The following SLC47A1 variants were observed in gnomAD, a reference collection of about 807,000 sequenced individuals.
The protein encoded by SLC47A1 is solute carrier family 47 member 1.
In SLC47A1, 58 loss-of-function variants were observed where a neutral mutation model predicts 65.8. That is an observed-to-expected ratio of 0.88 (90% confidence interval 0.71 to 1.10). The LOEUF (loss-of-function observed/expected upper bound fraction) is 1.10, where lower values mean the gene tolerates loss of function less well. SLC47A1 is among the 50% of genes least tolerant of loss of function. The pLI, the probability that SLC47A1 is intolerant of heterozygous loss-of-function variation, is 0.00. For missense variants in SLC47A1, 706 were observed against 719.2 expected (o/e 0.98, Z 0.21); for synonymous variants, 285 against 295.0 (o/e 0.97, Z 0.35).
intron 12 of SLC47A1, among the ~76,000 whole-genome samples, chr17:19,566,017 C>T (rs2084355062): frequency 6.6e-6 from 1 of 152,208 alleles, no homozygotes; most frequent in Non-Finnish European, 1.5e-5. Flanking sequence ...CATCTCCACG[C>T]TGTGTGTGCT....
intron 2 of SLC47A1, among the ~76,000 whole-genome samples, chr17:19,545,555 A>G (rs1916265973): frequency 6.6e-6 from 1 of 151,868 alleles, no homozygotes; most frequent in Non-Finnish European, 1.5e-5. Flanking sequence ...CAGTGGTGCA[A>G]TCTCAGTTCA....
At chr17:19,548,193 C>G (rs1916345747) in intron 4 of SLC47A1, 60 bp downstream of exon 4, 4 of 1,568,244 alleles carry the variant, frequency 2.6e-6, no homozygotes, top group Non-Finnish European at 3.5e-6. Context: ...ATTATCCTGT[C>G]TGGGTGCAGC....
intron 16 of SLC47A1, among the ~76,000 whole-genome samples, chr17:19,574,739 C>T (rs2084425510): frequency 6.6e-6 from 1 of 151,568 alleles, no homozygotes; most frequent in South Asian, 2.1e-4. Context: ...GATTCTCCTG[C>T]CTCAGCCTCC....
intron 1 of SLC47A1, among the ~76,000 whole-genome samples, chr17:19,541,009 G>A (rs535432720): frequency 6.6e-6 from 1 of 152,298 alleles, no homozygotes; most frequent in South Asian, 2.1e-4. Flanking sequence ...ATGGCTCGGG[G>A]GCCTGATGAG....
intron 12 of SLC47A1, among the ~76,000 whole-genome samples, chr17:19,565,120 A>G (rs1162013997): frequency 6.6e-6 from 1 of 152,138 alleles, no homozygotes; most frequent in Non-Finnish European, 1.5e-5. Flanking sequence ...GGGTGTTGTG[A>G]ATTTCCTGCT....
Position 19,533,947 on chromosome 17 carries a change from C to T in SLC47A1, c.8C>T (p.Ala3Val), listed in dbSNP as rs1418027645. 5 of 1,526,488 alleles carry T rather than the reference C, an allele frequency of 3.3e-6. No homozygotes were observed. The highest frequency in any genetic ancestry group is 2.0e-5 in the Admixed American group (1 of 49,178). 94.6% of individuals were successfully genotyped at this position (1,526,488 alleles called of 1,614,324 possible). The change falls in exon 1 of 17, where the codon GCT becomes GTT. Residue 3 changes from alanine (A) to valine (V), a missense_variant. By Grantham distance (64) the Ala-to-Val change is moderately conservative. Transcript: ENST00000270570. ME[A>V]PEEPAPVRGG... ...CCGCAGCGCGCGAGTCACATGGAAG[C>T]TCCTGAGGAGCCCGCGCCAGTGCGC...
chr17:19,567,342 C>T (rs545149204), intron 14 of SLC47A1, 114 bp downstream of exon 14: 41 of 1,454,696 alleles, frequency 2.8e-5, no homozygotes, highest in Middle Eastern at 4.9e-4. Flanking sequence ...AGCTCGCCCA[C>T]GTCCATTCTG....
chr17:19,542,377 T>C lies in SLC47A1; in HGVS notation c.136-16T>C, dbSNP rs1283231240. ...GGTGGTCACTCACGTCCCTTCCCGTTCCCCTCTCTTCCCAGTTCTTGGTTC... is the reference window on the plus strand; with the variant it reads ...GGTGGTCACTCACGTCCCTTCCCGTCCCCCTCTCTTCCCAGTTCTTGGTTC... On this transcript the variant is annotated splice_polypyrimidine_tract_variant and intron_variant, in intron 1 of 16. Transcript: ENST00000270570. 2 of 1,587,078 alleles carry C rather than the reference T, an allele frequency of 1.3e-6. No individual in the cohort carries two copies. Among genetic ancestry groups the C allele is most frequent in the Non-Finnish European group, 1.7e-6 (2 of 1,165,590 alleles).
intron 16 of SLC47A1, among the ~76,000 whole-genome samples, chr17:19,576,878 G>A (rs1214784335): frequency 2.0e-5 from 3 of 152,106 alleles, no homozygotes; most frequent in African/African-American, 7.2e-5. Context: ...CTCCTGAGTA[G>A]CTGGGATTAC....
intron 14 of SLC47A1, chr17:19,570,726 G>A (rs1290749975): frequency 1.3e-5 from 2 of 152,336 alleles, no homozygotes; most frequent in Non-Finnish European, 2.9e-5. Flanking sequence ...CTTGGGCAGG[G>A]TGCTGCAGGT....
At chr17:19,566,730 G>T (rs1056479099) in intron 12 of SLC47A1, 60 bp from the exon 13 acceptor site, 92 of 1,537,042 alleles carry the variant, frequency 6.0e-5, no homozygotes, top group Middle Eastern at 1.7e-4. Context: ...TAGCCAGAAA[G>T]CTATATACTT....
chr17:19,534,190 G>A, intron 1 of SLC47A1, 116 bp downstream of exon 1: 1 of 1,311,492 alleles, frequency 7.6e-7, no homozygotes, highest in Non-Finnish European at 9.9e-7. Flanking sequence ...TCCGCCGGCG[G>A]GCTCCGGGGA....
chr17:19,549,763 T>C, intron 5 of SLC47A1, 86 bp downstream of exon 5: 1 of 1,415,334 alleles, frequency 7.1e-7, no homozygotes, highest in South Asian at 1.2e-5. Flanking sequence ...GTGTATTGGC[T>C]CAGTCTTAGA....
intron 16 of SLC47A1, among the ~76,000 whole-genome samples, chr17:19,573,863 C>T (rs1038503779): frequency 6.6e-6 from 1 of 151,360 alleles, no homozygotes. Flanking sequence ...AGCACCCAGC[C>T]AAACTGAAGG....
intron 2 of SLC47A1, among the ~76,000 whole-genome samples, chr17:19,545,669 T>C (rs1450270478): frequency 6.6e-6 from 1 of 151,984 alleles, no homozygotes; most frequent in African/African-American, 2.4e-5. Flanking sequence ...TTTTGTACTT[T>C]TGTAGGGACG....
At chr17:19,538,026 G>A (rs190622441) in intron 1 of SLC47A1, among the ~76,000 whole-genome samples, 43 of 152,294 alleles carry the variant, frequency 2.8e-4, no homozygotes, top group African/African-American at 8.7e-4. Context: ...TATTTATTGC[G>A]TTTTGAACAT....
chr17:19,533,957 G>T lies in SLC47A1; in HGVS notation c.18G>T (p.Glu6Asp). The T allele has an allele frequency of 6.5e-7, 1 of 1,532,536 alleles. No individual in the cohort carries two copies. The highest frequency in any genetic ancestry group is 1.2e-5 in the South Asian group (1 of 82,402). 94.9% of individuals were successfully genotyped at this position (1,532,536 alleles called of 1,614,324 possible). Residue 6 changes from glutamate to aspartate, a missense_variant, in exon 1 of 17, where the codon GAG (glutamate) becomes GAT (aspartate). By Grantham distance (45) the Glu-to-Asp change is conservative. Coordinates refer to ENST00000270570, the MANE Select transcript of SLC47A1 (RefSeq NM_018242.3). MEAPEEPAPVRGGPEA... is the reference protein window; with the variant it reads MEAPEDPAPVRGGPEA... ...CGAGTCACATGGAAGCTCCTGAGGA[G>T]CCCGCGCCAGTGCGCGGAGGCCCGG...
chr17:19,565,682 G>A (rs1338261157), intron 12 of SLC47A1, among the ~76,000 whole-genome samples: 2 of 145,538 alleles, frequency 1.4e-5, no homozygotes, highest in African/African-American at 2.6e-5. Flanking sequence ...CCAGGTTCAC[G>A]CCATTCTCCT....
Position 19,555,292 on chromosome 17 carries a change from A to G in SLC47A1, c.624A>G (p.Gln208=), listed in dbSNP as rs773054352. ...NALANYLFLH[Q]LHLGVIGSAL... is the part of the protein sequence containing the mutation. ...TCGCCAACTATCTGTTTCTCCATCA[A>G]CTGCATCTTGGGGTGATGTGAGTCC... The change falls in exon 7 of 17, where the codon CAA becomes CAG. Residue 208 remains glutamine (Q), a synonymous_variant. Coordinates refer to ENST00000270570, the MANE Select transcript of SLC47A1 (RefSeq NM_018242.3). 6.2e-6 allele frequency: 10 copies of G among 1,614,070 alleles called. No individual in the cohort carries two copies. The Admixed American group carries it at 8.3e-5, about 13-fold the overall frequency.
Sources: gnomAD v4.1 joint callset for allele counts (sites outside exome capture counted in the v4.1 genomes callset) on GRCh38, gnomAD v4.1.1 for gene constraint, MANE v1.5 for transcripts, NCBI Gene and HGNC (gene_info 2026-07-23, HGNC 2026-07-21) for gene names.